The following STARD9 variants were observed in gnomAD, a reference collection of about 807,000 sequenced individuals.
STARD9 encodes the protein stAR-related lipid transfer protein 9.
In STARD9, 346 loss-of-function variants were observed where a neutral mutation model predicts 399.8. The observed-to-expected ratio is 0.87, with a 90% confidence interval of 0.79 to 0.95. The LOEUF is 0.95. Among genes scored for constraint, STARD9 ranks in the 40% least tolerant of loss-of-function variants. The probability of loss-of-function intolerance (pLI) is 0.00; values close to 1 mark genes in which losing one functional copy is unlikely to be tolerated. For missense variants in STARD9, 5,832 were observed against 5,667.5 expected (o/e 1.03, Z -0.93); for synonymous variants, 2,203 against 2,143.5 (o/e 1.03, Z -0.77).
chr15:42,658,974 T>C (rs2059936436), intron 9 of STARD9, among the ~76,000 whole-genome samples: 1 of 151,998 alleles, frequency 6.6e-6, no homozygotes, highest in Non-Finnish European at 1.5e-5. Flanking sequence ...TTAGCCAGGC[T>C]TGGTGGCTTG....
At chr15:42,717,210 C>A (rs542665569) in intron 28 of STARD9, among the ~76,000 whole-genome samples, 162 bp downstream of exon 28, 1 of 152,154 alleles carries the variant, frequency 6.6e-6, no homozygotes, top group South Asian at 2.1e-4. Context: ...TCGGGTCAGG[C>A]GCAGTAGCTC....
chr15:42,644,317 C>T (rs904179127), intron 7 of STARD9, among the ~76,000 whole-genome samples: 4 of 152,198 alleles, frequency 2.6e-5, no homozygotes, highest in Non-Finnish European at 4.4e-5. Flanking sequence ...CATGGTGAAA[C>T]CCCGTCTCTA....
intron 26 of STARD9, among the ~76,000 whole-genome samples, chr15:42,707,741 G>C (rs1405620906): frequency 6.6e-6 from 1 of 151,090 alleles, no homozygotes; most frequent in Non-Finnish European, 1.5e-5. Context: ...ATTACTATTT[G>C]TGAATTAAAC....
chr15:42,676,469 A>G (rs1427497831), intron 20 of STARD9, among the ~76,000 whole-genome samples: 2 of 152,220 alleles, frequency 1.3e-5, no homozygotes, highest in Non-Finnish European at 2.9e-5. Context: ...CTCATAACCA[A>G]GAATCCAGAA....
At chr15:42,716,422 G>T (rs555668454) in intron 26 of STARD9, among the ~76,000 whole-genome samples, 85 of 152,278 alleles carry the variant, frequency 5.6e-4, no homozygotes, top group African/African-American at 2.0e-3. Flanking sequence ...TCAGGCCCTG[G>T]TTGTTTTGAT....
intron 26 of STARD9, among the ~76,000 whole-genome samples, chr15:42,705,807 C>T (rs2061063906): frequency 6.6e-6 from 1 of 151,952 alleles, no homozygotes; most frequent in Non-Finnish European, 1.5e-5. Flanking sequence ...GGCTGGAGTG[C>T]AGGGGCGTGA....
rs1169725613 is a variant in STARD9 at position 42,684,519 on chromosome 15, G to C, written c.2941G>C (p.Ala981Pro). ...TTQTRGAKGL[A>P]DPSHTQAGWR... is the part of the protein sequence containing the mutation. ...CCAGACCAGAGGGGCGAAGGGACTA[G>C]CAGACCCTAGCCACACACAAGCTGG... Residue 981 changes from alanine to proline, a missense_variant, in exon 23 of 33, where the codon GCA becomes CCA. Around this residue, in one of 2 missense-constraint regions of STARD9, gnomAD observed 5,828 missense variants for 5,651.1 expected, o/e 1.03. Transcript: ENST00000290607. The C allele has an allele frequency of 6.5e-7, 1 of 1,537,018 alleles. No individual in the cohort carries two copies. The highest frequency in any genetic ancestry group is 8.7e-7 in the Non-Finnish European group (1 of 1,146,890).
Position 42,581,236 on chromosome 15 carries a change from C to T in STARD9, c.48-2110C>T. 3 of 805,182 alleles carry T rather than the reference C, an allele frequency of 3.7e-6. No homozygotes were observed. In the South Asian group the frequency reaches 4.0e-5, roughly 11 times the overall value. The allele number at this position is 805,182 out of a possible 1,614,324, so 49.9% of individuals were successfully genotyped here. ...ACTTGTGGAGTCTTCAGTTAAGGTG[C>T]CAGGGCTAGTGACTCCCGGGATATT... On this transcript the variant is annotated intron_variant, in intron 1 of 32. Transcript: ENST00000290607.
Position 42,692,553 on chromosome 15 carries a change from G to T in STARD9, c.10975G>T (p.Ala3659Ser), listed in dbSNP as rs1422717612. 1 of 1,537,246 alleles carries T rather than the reference G, an allele frequency of 6.5e-7. No homozygotes were observed. Among genetic ancestry groups the T allele is most frequent in the East Asian group, 2.4e-5 (1 of 40,928 alleles). Residue 3659 changes from alanine (A) to serine (S), a missense_variant, in exon 23 of 33, where the codon GCT becomes TCT. This residue lies in a region of STARD9 where 5,828 missense variants were observed against 5,651.1 expected (regional missense o/e 1.03). Coordinates refer to ENST00000290607, the MANE Select transcript of STARD9 (RefSeq NM_020759.3). Reference protein sequence around the residue: ...RHWSSTDISFAQPEASAVSAF... With the variant: ...RHWSSTDISFSQPEASAVSAF... ...CTGGAGCAGCACTGACATCTCCTTT[G>T]CTCAGCCTGAAGCCAGTGCAGTATC...
intron 26 of STARD9, among the ~76,000 whole-genome samples, chr15:42,708,290 G>A (rs562812366): frequency 6.6e-6 from 1 of 152,360 alleles, no homozygotes; most frequent in Non-Finnish European, 1.5e-5. Flanking sequence ...TTAAGATCAG[G>A]GGTTAGCAAA....
Position 42,689,954 on chromosome 15 carries a change from A to G in STARD9, c.8376A>G (p.Thr2792=). ...EHQEPRTLDT[T]YGEVSDNLLV... is the part of the protein sequence containing the mutation. ...AGGAACCCAGAACTCTAGACACCACATATGGAGAAGTTTCAGATAATTTGT... is the reference window on the plus strand; with the variant it reads ...AGGAACCCAGAACTCTAGACACCACGTATGGAGAAGTTTCAGATAATTTGT... Residue 2792 remains threonine, a synonymous_variant, in exon 23 of 33, where the codon ACA becomes ACG. Transcript: ENST00000290607. 2 of 1,537,652 alleles carry G rather than the reference A, an allele frequency of 1.3e-6. No individual in the cohort carries two copies. Among genetic ancestry groups the G allele is most frequent in the Non-Finnish European group, 8.7e-7 (1 of 1,147,006 alleles).
At chr15:42,609,247 G>A (rs78594152) in intron 3 of STARD9, among the ~76,000 whole-genome samples, 3,287 of 152,194 alleles carry the variant, frequency 0.022, 134 homozygotes, top group African/African-American at 0.076. Flanking sequence ...CAAATAAGTC[G>A]AGTGTTGAAG....
chr15:42,634,906 TA>T lies in STARD9; in HGVS notation c.287del (p.Asn96ThrfsTer27). Reference sequence around the variant, plus strand: ...TACTGTCTGGAGTTGCCAAAGGCTATAACATATGCCTTTTTGCTTATGGACA... The same window carrying T: ...TACTGTCTGGAGTTGCCAAAGGCTATACATATGCCTTTTTGCTTATGGACA... ...EVLSGVAKGY[N>X]ICLFAYGQTG... is the part of the protein sequence containing the mutation. On this transcript the variant is annotated frameshift_variant, in exon 4 of 33. Transcript: ENST00000290607. LOFTEE classifies it high-confidence loss of function. 6.5e-7 allele frequency: 1 copy of T among 1,537,052 alleles called. No individual in the cohort carries two copies. Among genetic ancestry groups the T allele is most frequent in the Non-Finnish European group, 8.7e-7 (1 of 1,146,764 alleles).
At chr15:42,641,952 C>G (rs1426942798) in intron 7 of STARD9, among the ~76,000 whole-genome samples, 1 of 152,106 alleles carries the variant, frequency 6.6e-6, no homozygotes, top group African/African-American at 2.4e-5. Flanking sequence ...TAGAACCAGC[C>G]TTGGAAGCTA....
intron 3 of STARD9, chr15:42,629,984 A>G (rs932706459): frequency 6.6e-6 from 1 of 151,338 alleles, no homozygotes; most frequent in African/African-American, 2.4e-5. Context: ...TGGTCACGAT[A>G]AATGATCTTT....
intron 26 of STARD9, among the ~76,000 whole-genome samples, chr15:42,703,911 TATTTATTTATTTTG>T (rs1474821012): frequency 6.6e-6 from 1 of 152,004 alleles, no homozygotes; most frequent in Non-Finnish European, 1.5e-5. Flanking sequence ...ATTATTTACT[TATTTATTTATTTTG>T]AGATGGAGTT....
chr15:42,690,676 A>T lies in STARD9; in HGVS notation c.9098A>T (p.Glu3033Val). The change falls in exon 23 of 33, where the codon GAA (glutamate) becomes GTA (valine). Residue 3033 changes from glutamate to valine, a missense_variant. Glu to Val is a moderately radical substitution (Grantham distance 121, BLOSUM62 -2). Around this residue, in one of 2 missense-constraint regions of STARD9, gnomAD observed 5,828 missense variants for 5,651.1 expected, o/e 1.03. Coordinates refer to ENST00000290607, the MANE Select transcript of STARD9 (RefSeq NM_020759.3). ...HGLEPKDVNREFRLTESSTCE... is the reference protein window; with the variant it reads ...HGLEPKDVNRVFRLTESSTCE... Reference sequence around the variant, plus strand: ...CTTGAGCCCAAAGATGTTAACAGGGAATTTAGGCTAACAGAGAGCAGCACT... The same window carrying T: ...CTTGAGCCCAAAGATGTTAACAGGGTATTTAGGCTAACAGAGAGCAGCACT... 6.5e-7 allele frequency: 1 copy of T among 1,537,190 alleles called. No homozygotes were observed. The highest frequency in any genetic ancestry group is 8.7e-7 in the Non-Finnish European group (1 of 1,146,902).
intron 13 of STARD9, among the ~76,000 whole-genome samples, chr15:42,664,134 A>G (rs1353461105): frequency 6.6e-6 from 1 of 152,094 alleles, no homozygotes; most frequent in Admixed American, 6.6e-5. Context: ...CTTATTTCAG[A>G]TACTTCTCTA....
At chr15:42,589,195 T>A (rs2058345853) in intron 3 of STARD9, among the ~76,000 whole-genome samples, 1 of 152,088 alleles carries the variant, frequency 6.6e-6, no homozygotes, top group African/African-American at 2.4e-5. Context: ...AAGATTTACC[T>A]TTTTTTCTTT....
Sources: gnomAD v4.1 joint callset for allele counts (sites outside exome capture counted in the v4.1 genomes callset) on GRCh38, gnomAD v4.1.1 for gene constraint, gnomAD v4.1.1 regional missense constraint, MANE v1.5 for transcripts, NCBI Gene and HGNC (gene_info 2026-07-23, HGNC 2026-07-21) for gene names.